The following SYNPO2 variants were observed in gnomAD, a reference collection of about 807,000 sequenced individuals.
The protein encoded by SYNPO2 is synaptopodin 2, also known as synaptopodin-2.
SYNPO2 carries 56 observed loss-of-function variants against 85.0 expected under a neutral mutation model. That is an observed-to-expected ratio of 0.66 (90% CI 0.53 to 0.82). The LOEUF is 0.82. SYNPO2 is among the 40% of genes least tolerant of loss of function. The pLI is 0.00. For missense variants in SYNPO2, 1,575 were observed against 1,534.2 expected (o/e 1.03, Z -0.44); for synonymous variants, 602 against 591.1 (o/e 1.02, Z -0.27).
Position 119,027,060 on chromosome 4 carries a change from C to T in SYNPO2, c.691C>T (p.Pro231Ser). The change falls in exon 3 of 5, where the codon CCT (proline) becomes TCT (serine). Residue 231 changes from proline (P) to serine (S), a missense_variant. Pro to Ser is a moderately conservative substitution (Grantham distance 74). This residue lies in a region of SYNPO2 where 1,508 missense variants were observed against 1,446.8 expected (regional missense o/e 1.04). Coordinates refer to ENST00000307142, the MANE Select transcript of SYNPO2 (RefSeq NM_133477.3). The part of the protein sequence containing the change: ...AEKSKSPDPD[P>S]NLSHDRIVHI... ...AAAATCTAAGTCTCCTGACCCAGAC[C>T]CTAACTTGTCACATGACAGGATTGT... 6.2e-7 allele frequency: 1 copy of T among 1,614,102 alleles called. No individual in the cohort carries two copies.
intron 4 of SYNPO2, chr4:119,043,425 A>T (rs1738779597): frequency 6.6e-6 from 1 of 152,194 alleles, no homozygotes; most frequent in Non-Finnish European, 1.5e-5. Context: ...ATGAATTAAT[A>T]CTAAAAGTGA....
chr4:119,031,364 T>C lies in SYNPO2; in HGVS notation c.2589T>C (p.Asn863=), dbSNP rs749459875. Residue 863 remains asparagine, a synonymous_variant, in exon 4 of 5, where the codon AAT becomes AAC. Transcript: ENST00000307142. ...AVQPGAVGPS[N]ELPGMSGRGA... is the part of the protein sequence containing the mutation. ...AGCCTGGTGCAGTGGGACCATCCAA[T>C]GAGCTTCCAGGAATGAGTGGGAGAG... 3.1e-5 allele frequency: 50 copies of C among 1,613,896 alleles called. No individual in the cohort carries two copies. The highest frequency in any genetic ancestry group is 4.1e-5 in the Non-Finnish European group (48 of 1,179,922).
intron 1 of SYNPO2, among the ~76,000 whole-genome samples, chr4:118,985,410 G>A (rs1208913364): frequency 1.3e-5 from 2 of 152,202 alleles, no homozygotes; most frequent in Admixed American, 1.3e-4. Context: ...GCTGTCTGGT[G>A]CTGGCACATT....
At chr4:118,863,738 A>AGTAGTCCCT (rs201014453) in intron 1 of SYNPO2, among the ~76,000 whole-genome samples, 2,444 of 152,100 alleles carry the variant, frequency 0.016, 71 homozygotes, top group African/African-American at 0.052. Flanking sequence ...CAGTCTTCCC[A>AGTAGTCCCT]GTAGCTGGGA....
intron 4 of SYNPO2, among the ~76,000 whole-genome samples, chr4:119,039,787 TTTTAAATTAAAAAGAAGACAAGA>T (rs1292126028): frequency 2.6e-5 from 4 of 152,144 alleles, no homozygotes; most frequent in Non-Finnish European, 5.9e-5. Flanking sequence ...TCCTTCCAAT[TTTTAAATTAAAAAGAAGACAAGA>T]CTTTTTTTTA....
intron 1 of SYNPO2, among the ~76,000 whole-genome samples, chr4:118,943,049 G>C (rs1734371380): frequency 6.6e-6 from 1 of 151,850 alleles, no homozygotes; most frequent in South Asian, 2.1e-4. Flanking sequence ...AGAGGTTGCA[G>C]TGAGCCAAGA....
At chr4:118,905,443 CGTGTGT>C in intron 1 of SYNPO2, among the ~76,000 whole-genome samples, 1 of 150,250 alleles carries the variant, frequency 6.7e-6, no homozygotes, top group East Asian at 2.0e-4. Context: ...TGTGTGTGTG[CGTGTGT>C]GTGTGTGTGT....
intron 1 of SYNPO2, among the ~76,000 whole-genome samples, chr4:118,900,782 T>TCTATCTATCTAC (rs1455274930): frequency 1.2e-4 from 18 of 147,398 alleles, no homozygotes; most frequent in African/African-American, 4.5e-4. Context: ...TATCTATCTA[T>TCTATCTATCTAC]CTATAGATAT....
intron 4 of SYNPO2, among the ~76,000 whole-genome samples, chr4:119,044,260 T>TAACCCATGTTTCTCCTC (rs1738810085): frequency 8.5e-5 from 13 of 152,236 alleles, no homozygotes; most frequent in Admixed American, 8.5e-4. Context: ...TACTTCTCTT[T>TAACCCATGTTTCTCCTC]AACCCATGTT....
chr4:118,999,508 A>G (rs890971761), intron 1 of SYNPO2, among the ~76,000 whole-genome samples: 1 of 152,126 alleles, frequency 6.6e-6, no homozygotes, highest in African/African-American at 2.4e-5. Context: ...GAGATAATAT[A>G]TTATCTAATA....
chr4:118,976,457 G>A (rs1211244967), intron 1 of SYNPO2, among the ~76,000 whole-genome samples: 1 of 152,172 alleles, frequency 6.6e-6, no homozygotes, highest in Non-Finnish European at 1.5e-5. Flanking sequence ...TCCACACTGT[G>A]GAAGGGGACC....
At chr4:119,051,750 A>G (rs953240201) in intron 4 of SYNPO2, among the ~76,000 whole-genome samples, 2 of 152,202 alleles carry the variant, frequency 1.3e-5, no homozygotes, top group African/African-American at 4.8e-5. Flanking sequence ...TGAAAATGAG[A>G]TGACAGGATG....
At position 118,915,022 on chromosome 4, in the gene SYNPO2, A is replaced by C. The variant is rs868454966; in HGVS notation, c.105+25881A>C. Among the ~76,000 whole-genome samples, 863 of 146,244 alleles carry C rather than the reference A, an allele frequency of 5.9e-3. 11 individuals are homozygous for C. Among genetic ancestry groups the C allele is most frequent in the African/African-American group, 0.02 (798 of 39,984 alleles). On this transcript the variant is annotated intron_variant, in intron 1 of 4. Coordinates refer to ENST00000307142, the MANE Select transcript of SYNPO2 (RefSeq NM_133477.3). ...GCAAAAAAGTTCTACAAAAAAAAAAACAGAAAAATCAATGAATAAGGTCAC... is the reference window on the plus strand; with the variant it reads ...GCAAAAAAGTTCTACAAAAAAAAAACCAGAAAAATCAATGAATAAGGTCAC...
At chr4:118,877,031 C>T (rs1044158043) in intron 1 of SYNPO2, among the ~76,000 whole-genome samples, 8 of 151,578 alleles carry the variant, frequency 5.3e-5, no homozygotes, top group Non-Finnish European at 1.2e-4. Context: ...GTCTTAAAAT[C>T]CTGGGTCCAA....
At chr4:118,977,040 C>T (rs1005889614) in intron 1 of SYNPO2, among the ~76,000 whole-genome samples, 5 of 152,232 alleles carry the variant, frequency 3.3e-5, no homozygotes, top group African/African-American at 4.8e-5. Context: ...AGTCCGGCGC[C>T]GTGCGCTCGC....
intron 1 of SYNPO2, among the ~76,000 whole-genome samples, chr4:118,912,745 A>G (rs1022439951): frequency 8.5e-5 from 13 of 152,184 alleles, no homozygotes; most frequent in Non-Finnish European, 1.9e-4. Context: ...GGTAGTACCA[A>G]CTAGATAGTA....
chr4:119,001,743 CAT>C (rs986286002), intron 1 of SYNPO2, among the ~76,000 whole-genome samples: 5 of 152,130 alleles, frequency 3.3e-5, no homozygotes, highest in Non-Finnish European at 5.9e-5. Context: ...AAAAGCAAAA[CAT>C]ATTCTTTTTA....
At position 118,991,700 on chromosome 4, in the gene SYNPO2, A is replaced by T. The variant is rs564726132; in HGVS notation, c.106-31730A>T. Among the ~76,000 whole-genome samples, 14 of 152,300 alleles carry T rather than the reference A, an allele frequency of 9.2e-5. No homozygotes were observed. In the South Asian group the frequency reaches 2.9e-3, roughly 32 times the overall value. On this transcript the variant is annotated intron_variant, in intron 1 of 4. Transcript: ENST00000307142. ...GAGATGCCTGAATGGTGCTTGGGGC[A>T]GAGCCAAGTAGAGACTCCTGTAGTT... is the stretch of plus-strand genomic sequence containing the variant.
intron 1 of SYNPO2, among the ~76,000 whole-genome samples, chr4:118,983,469 C>G (rs756971452): frequency 3.3e-5 from 5 of 152,182 alleles, no homozygotes; most frequent in Non-Finnish European, 5.9e-5. Context: ...CCAGGTGGCT[C>G]AATGGTTTCT....
Sources: gnomAD v4.1 joint callset for allele counts (sites outside exome capture counted in the v4.1 genomes callset) on GRCh38, gnomAD v4.1.1 for gene constraint, gnomAD v4.1.1 regional missense constraint, MANE v1.5 for transcripts, NCBI Gene and HGNC (gene_info 2026-07-23, HGNC 2026-07-21) for gene names.